ARK2N: variants seen among roughly 807,000 people sequenced by gnomAD.
The protein encoded by ARK2N is protein ARK2N.
chr18:46,180,849 A>G, the ARK2N span, among the ~76,000 whole-genome samples: 1 of 152,276 alleles, frequency 6.6e-6, no homozygotes, highest in Non-Finnish European at 1.5e-5. Context: ...AAAGTACTGC[A>G]TAACAAAACA....
At chr18:46,176,730 G>A in the ARK2N span, among the ~76,000 whole-genome samples, 1 of 151,384 alleles carries the variant, frequency 6.6e-6, no homozygotes, top group South Asian at 2.1e-4. Context: ...CGATTCTCTT[G>A]CCTCAGCCTA....
At chr18:46,208,761 C>G in the ARK2N span, among the ~76,000 whole-genome samples, 4 of 152,072 alleles carry the variant, frequency 2.6e-5, no homozygotes, top group African/African-American at 9.7e-5. Context: ...GCCACCATGC[C>G]CGGCTCTGTT....
At chr18:46,197,865 T>A in the ARK2N span, among the ~76,000 whole-genome samples, 2 of 151,984 alleles carry the variant, frequency 1.3e-5, no homozygotes, top group Non-Finnish European at 2.9e-5. Flanking sequence ...TACTTTCACC[T>A]CTTTTATATT....
the ARK2N span, among the ~76,000 whole-genome samples, chr18:46,258,903 A>G: frequency 6.6e-6 from 1 of 151,866 alleles, no homozygotes; most frequent in African/African-American, 2.4e-5. Flanking sequence ...TTTCTCCTGA[A>G]TTTTTTTCCC....
At chr18:46,187,348 C>CTT in the ARK2N span, among the ~76,000 whole-genome samples, 184 of 145,436 alleles carry the variant, frequency 1.3e-3, 4 homozygotes, top group South Asian at 0.018. Flanking sequence ...TGATAACTGT[C>CTT]TTTTTTTTTT....
At chr18:46,237,144 T>C in the ARK2N span, among the ~76,000 whole-genome samples, 5 of 152,108 alleles carry the variant, frequency 3.3e-5, no homozygotes, top group Middle Eastern at 3.2e-3. Flanking sequence ...GTTATAGGTG[T>C]GAGCCACCAT....
the ARK2N span, among the ~76,000 whole-genome samples, chr18:46,193,615 T>TA: frequency 0.017 from 2,394 of 140,762 alleles, 97 homozygotes; most frequent in African/African-American, 0.055. Context: ...TTTTTTTTTT[T>TA]AATGACAGAG....
the ARK2N span, among the ~76,000 whole-genome samples, chr18:46,258,796 A>G: frequency 6.6e-6 from 1 of 152,212 alleles, no homozygotes. Context: ...GTGATAATAC[A>G]TGAAACTATT....
At chr18:46,244,676 A>C in the ARK2N span, among the ~76,000 whole-genome samples, 2 of 133,432 alleles carry the variant, frequency 1.5e-5, no homozygotes, top group Non-Finnish European at 3.1e-5. Flanking sequence ...TTCTGGGCTC[A>C]CTGCAACCTC....
At chr18:46,201,424 C>T in the ARK2N span, among the ~76,000 whole-genome samples, 1 of 151,856 alleles carries the variant, frequency 6.6e-6, no homozygotes, top group Non-Finnish European at 1.5e-5. Flanking sequence ...TTTTTTTGTC[C>T]ATTTTGGACT....
chr18:46,182,261 A>T, the ARK2N span, among the ~76,000 whole-genome samples: 1 of 152,316 alleles, frequency 6.6e-6, no homozygotes, highest in African/African-American at 2.4e-5. Flanking sequence ...AGGGTTTCTT[A>T]CTATTTTTCT....
At chr18:46,191,851 C>T in the ARK2N span, among the ~76,000 whole-genome samples, 3 of 152,198 alleles carry the variant, frequency 2.0e-5, no homozygotes. Flanking sequence ...CTCTGGCAAC[C>T]ATTGATCTGT....
At chr18:46,239,360 A>G in the ARK2N span, among the ~76,000 whole-genome samples, 1 of 152,198 alleles carries the variant, frequency 6.6e-6, no homozygotes, top group Non-Finnish European at 1.5e-5. Context: ...AAATAGAAAT[A>G]TCCCTCATAA....
At chr18:46,205,360 T>G in the ARK2N span, among the ~76,000 whole-genome samples, 1 of 152,322 alleles carries the variant, frequency 6.6e-6, no homozygotes, top group South Asian at 2.1e-4. Context: ...TGTCTAAATC[T>G]TCAGGAGGAT....
the ARK2N span, among the ~76,000 whole-genome samples, chr18:46,254,414 A>G: frequency 3.9e-5 from 6 of 152,212 alleles, no homozygotes; most frequent in Admixed American, 3.9e-4. Context: ...TTATAAACAT[A>G]ATTTATGAAG....
the ARK2N span, chr18:46,253,599 G>T: frequency 7.0e-7 from 1 of 1,435,526 alleles, no homozygotes. Context: ...CTGTTTCTGT[G>T]ACTAAACCTA....
the ARK2N span, among the ~76,000 whole-genome samples, chr18:46,181,838 G>T: frequency 1.3e-5 from 2 of 152,122 alleles, no homozygotes; most frequent in Non-Finnish European, 2.9e-5. Context: ...CAACTCCTGG[G>T]CCCAAGTGAT....
At chr18:46,214,120 C>A in the ARK2N span, among the ~76,000 whole-genome samples, 595 of 152,262 alleles carry the variant, frequency 3.9e-3, 4 homozygotes, top group Middle Eastern at 0.014. Flanking sequence ...CTATGAAAAA[C>A]AACAGGCATA....
At chr18:46,192,594 CAG>C in the ARK2N span, among the ~76,000 whole-genome samples, 15 of 147,392 alleles carry the variant, frequency 1.0e-4, no homozygotes, top group African/African-American at 3.7e-4. Context: ...TTTTTTGAGA[CAG>C]AGTCTTGCTC....
Sources: allele counts gnomAD v4.1 joint callset (sites outside exome capture counted in the v4.1 genomes callset), GRCh38; gene constraint gnomAD v4.1.1; transcripts MANE v1.5; gene names NCBI Gene and HGNC (gene_info 2026-07-23, HGNC 2026-07-21).